The following IL11RA variants were observed in gnomAD, a reference collection of about 807,000 sequenced individuals.
The protein encoded by IL11RA is interleukin-11 receptor subunit alpha.
IL11RA carries 51 observed loss-of-function variants against 57.0 expected under a neutral mutation model. That is an observed-to-expected ratio of 0.89 (90% CI 0.71 to 1.13). The LOEUF is 1.13. Ranked by LOEUF, IL11RA falls within the 50% of genes most tolerant of loss-of-function variation. The pLI, the probability that IL11RA is intolerant of heterozygous loss-of-function variation, is 0.00. For synonymous variants in IL11RA, 199 were observed against 217.5 expected, an observed-to-expected ratio of 0.91 and a Z score of 0.75; for missense variants, 498 against 539.4, an observed-to-expected ratio of 0.92 and a Z score of 0.76.
intron 8 of IL11RA, among the ~76,000 whole-genome samples, chr9:34,659,470 T>C (rs1435572735): frequency 1.3e-5 from 2 of 152,212 alleles, no homozygotes; most frequent in Non-Finnish European, 2.9e-5. Context: ...ACCTCTATTT[T>C]ACAAATGAAG....
chr9:34,655,250 C>T lies in IL11RA; in HGVS notation c.33C>T (p.Val11=). The part of the protein sequence containing the change: MSSSCSGLSR[V]LVAVATALVS... ...GCAGCTGCTCAGGGCTGAGCAGGGT[C>T]CTGGTGGCCGTGGCTACAGCCCTGG... is the stretch of plus-strand genomic sequence containing the variant. The change falls in exon 2 of 13, where the codon GTC becomes GTT. Residue 11 remains valine, a synonymous_variant. Coordinates refer to ENST00000441545, the MANE Select transcript of IL11RA (RefSeq NM_001142784.3). 1.9e-6 allele frequency: 3 copies of T among 1,612,362 alleles called. No individual in the cohort carries two copies. The highest frequency in any genetic ancestry group is 2.2e-5 in the East Asian group (1 of 44,808).
At chr9:34,659,427 T>G (rs1821408418) in intron 8 of IL11RA, among the ~76,000 whole-genome samples, 1 of 152,210 alleles carries the variant, frequency 6.6e-6, no homozygotes. Context: ...CTGGCTACAC[T>G]TTTTGCATAC....
intron 5 of IL11RA, 44 bp from the exon 6 acceptor site, chr9:34,657,259 G>T (rs758439988): frequency 2.5e-6 from 4 of 1,613,736 alleles, no homozygotes; most frequent in Non-Finnish European, 3.4e-6. Flanking sequence ...AGGGCAGAAG[G>T]CCCTCTTTTC....
intron 1 of IL11RA, among the ~76,000 whole-genome samples, chr9:34,654,458 C>G (rs959847634): frequency 1.3e-5 from 2 of 152,012 alleles, no homozygotes; most frequent in Non-Finnish European, 2.9e-5. Context: ...CCCCGCCACC[C>G]TGTCTCCATT....
chr9:34,660,688 TG>T, intron 11 of IL11RA, 88 bp downstream of exon 11: 1 of 1,282,234 alleles, frequency 7.8e-7, no homozygotes, highest in African/African-American at 1.5e-5. Flanking sequence ...CCTTCATGAC[TG>T]CCCGCTGAAC....
rs1104749 is a variant in IL11RA, at chr9:34,658,424, T to A, written c.647-96T>A. On this transcript the variant is annotated intron_variant, in intron 7 of 12. Transcript: ENST00000441545. This position sits in a 1 kb window ranked among gnomAD's most constrained non-coding sequence, Gnocchi z 4.0. ...GATTTCCCCTCCCCTCTCAGGAGTG[T>A]CTGGCTAAGGCTCCTTTAAACACAC... 0.058 allele frequency: 72,387 copies of A among 1,241,366 alleles called. 2,368 individuals are homozygous for A. The highest frequency in any genetic ancestry group is 0.074 in the South Asian group (6,155 of 82,968). The allele number at this position is 1,241,366 out of a possible 1,614,324, so 76.9% of individuals were successfully genotyped here. A position where few individuals can be genotyped will look rare whatever the true frequency, so the allele number is the denominator to read the frequency against.
intron 2 of IL11RA, 140 bp from the exon 3 acceptor site, chr9:34,655,465 G>A (rs1229456985): frequency 1.1e-6 from 1 of 886,362 alleles, no homozygotes; most frequent in Non-Finnish European, 1.9e-6. Flanking sequence ...TCTGACCTCT[G>A]TCTCCAGATT....
intron 9 of IL11RA, 100 bp downstream of exon 9, chr9:34,660,000 A>T: frequency 7.0e-7 from 1 of 1,431,638 alleles, no homozygotes; most frequent in Non-Finnish European, 9.7e-7. Context: ...TGCCCTGCCC[A>T]CACAGGCACG....
chr9:34,654,931 C>T lies in IL11RA; in HGVS notation c.1-287C>T, dbSNP rs1451636656. The stretch of plus-strand genomic sequence containing the variant: ...AGTTGCTGGCACAGTCTGTTGCCTC[C>T]GGCTTTTGTTCTGGGCCCTAAGCCC... On this transcript the variant is annotated intron_variant, in intron 1 of 12. Transcript: ENST00000441545. 4.4e-5 allele frequency: 17 copies of T among 383,106 alleles called. 1 individual carries two copies. The highest frequency in any genetic ancestry group is 1.6e-4 in the Admixed American group (4 of 24,458). The allele number at this position is 383,106 out of a possible 1,614,324, so 23.7% of individuals were successfully genotyped here. A position where few individuals can be genotyped will look rare whatever the true frequency, so the allele number is the denominator to read the frequency against.
At position 34,660,293 on chromosome 9, in the gene IL11RA, A is replaced by G; in HGVS notation, c.972A>G (p.Ile324Met). 1 of 1,614,212 alleles carries G rather than the reference A, an allele frequency of 6.2e-7. No homozygotes were observed. The highest frequency in any genetic ancestry group is 8.5e-7 in the Non-Finnish European group (1 of 1,180,030). The part of the protein sequence containing the change: ...TPSTGTIPKE[I>M]PAWGQLHTQP... ...CTTTAGGGACCATACCAAAGGAGAT[A>G]CCAGCATGGGGCCAGCTACACACGC... The change falls in exon 10 of 13, where the codon ATA becomes ATG. Residue 324 changes from isoleucine to methionine, a missense_variant. Ile to Met is a conservative substitution (Grantham distance 10, BLOSUM62 1). Coordinates refer to ENST00000441545, the MANE Select transcript of IL11RA (RefSeq NM_001142784.3).
rs555512934 is a variant in IL11RA, at chr9:34,657,781, GGCT to G, written c.646+204_646+206del. On this transcript the variant is annotated intron_variant, in intron 7 of 12. Coordinates refer to ENST00000441545, the MANE Select transcript of IL11RA (RefSeq NM_001142784.3). ...TGGTTATTTCAGCACACACTCTAGAGGCTGCTGCTGCTACCCACACTGCCTGAT... is the reference window on the plus strand; with the variant it reads ...TGGTTATTTCAGCACACACTCTAGAGGCTGCTGCTACCCACACTGCCTGAT... Among the ~76,000 whole-genome samples the G allele has an allele frequency of 2.8e-3, 422 of 152,340 alleles. 2 individuals are homozygous for G. The highest frequency in any genetic ancestry group is 9.9e-3 in the African/African-American group (412 of 41,580).
At position 34,658,830 on chromosome 9, in the gene IL11RA, G is replaced by T. The variant is rs1821399194; in HGVS notation, c.810+147G>T. The stretch of plus-strand genomic sequence containing the variant: ...GGCCAGGCTTTGTACTGGGTGCTGG[G>T]TTGCAGTGGTGACTGAGAGACTGAA... On this transcript the variant is annotated intron_variant, in intron 8 of 12. Coordinates refer to ENST00000441545, the MANE Select transcript of IL11RA (RefSeq NM_001142784.3). The surrounding 1 kb of genome is among the most constrained non-coding windows in gnomAD (Gnocchi z 4.0). 6 of 851,510 alleles carry T rather than the reference G, an allele frequency of 7.0e-6. No homozygotes were observed. In the South Asian group the frequency reaches 8.7e-5, roughly 12 times the overall value. 52.7% of individuals were successfully genotyped at this position (851,510 alleles called of 1,614,324 possible). A position where few individuals can be genotyped will look rare whatever the true frequency, so the allele number is the denominator to read the frequency against.
rs1821383923 is a variant in IL11RA at position 34,658,216 on chromosome 9, A to T, written c.647-304A>T. On this transcript the variant is annotated intron_variant, in intron 7 of 12. Coordinates refer to ENST00000441545, the MANE Select transcript of IL11RA (RefSeq NM_001142784.3). The surrounding 1 kb of genome is among the most constrained non-coding windows in gnomAD (Gnocchi z 4.0). ...CCACCATGTCTGGTTAATTTTTAAAATTTTTTGTAGAGACAGGGTTTTGCT... is the reference window on the plus strand; with the variant it reads ...CCACCATGTCTGGTTAATTTTTAAATTTTTTTGTAGAGACAGGGTTTTGCT... Among the ~76,000 whole-genome samples, 1 of 151,906 alleles carries T rather than the reference A, an allele frequency of 6.6e-6. No individual in the cohort carries two copies. The highest frequency in any genetic ancestry group is 6.6e-5 in the Admixed American group (1 of 15,234).
rs758221604 is a variant in IL11RA, at chr9:34,655,597, C to G, written c.101-8C>G. On this transcript the variant is annotated splice_region_variant and splice_polypyrimidine_tract_variant and intron_variant, in intron 2 of 12. Transcript: ENST00000441545. ...GGAAGAGCCTTACCTCAGAAGTGCC[C>G]TCCACAGGGGTCCAGTATGGGCAGC... 2 of 1,613,862 alleles carry G rather than the reference C, an allele frequency of 1.2e-6. No homozygotes were observed. Among genetic ancestry groups the G allele is most frequent in the Non-Finnish European group, 1.7e-6 (2 of 1,179,892 alleles).
At position 34,660,259 on chromosome 9, in the gene IL11RA, C is replaced by T. The variant is rs1478777102; in HGVS notation, c.953-15C>T. 1 of 1,614,184 alleles carries T rather than the reference C, an allele frequency of 6.2e-7. No homozygotes were observed. The highest frequency in any genetic ancestry group is 1.7e-5 in the Admixed American group (1 of 60,032). Reference sequence around the variant, plus strand: ...ACCAGCGTATGGACACTTATTGGGTCTTGCCTTCCTTTAGGGACCATACCA... The same window carrying T: ...ACCAGCGTATGGACACTTATTGGGTTTTGCCTTCCTTTAGGGACCATACCA... On this transcript the variant is annotated splice_polypyrimidine_tract_variant and intron_variant, in intron 9 of 12. Transcript: ENST00000441545.
chr9:34,659,703 G>A lies in IL11RA; in HGVS notation c.811-56G>A. The A allele has an allele frequency of 2.5e-6, 4 of 1,609,506 alleles. No homozygotes were observed. In the South Asian group the frequency reaches 4.4e-5, roughly 18 times the overall value. The stretch of plus-strand genomic sequence containing the variant: ...CAAGGGGTGCTCTTTGTAGATGGTG[G>A]CTGGGAAGGCCCTGCACTTACAAGC... On this transcript the variant is annotated intron_variant, in intron 8 of 12. Coordinates refer to ENST00000441545, the MANE Select transcript of IL11RA (RefSeq NM_001142784.3).
At chr9:34,659,706 G>T (rs947077429) in intron 8 of IL11RA, 53 bp from the exon 9 acceptor site, 2 of 1,609,912 alleles carry the variant, frequency 1.2e-6, no homozygotes, top group African/African-American at 2.7e-5. Flanking sequence ...GATGGTGGCT[G>T]GGAAGGCCCT....
chr9:34,660,430 T>G, intron 10 of IL11RA, 37 bp downstream of exon 10: 2 of 1,613,956 alleles, frequency 1.2e-6, no homozygotes, highest in Non-Finnish European at 1.7e-6. Context: ...TGTAAAGGAC[T>G]GAAAACCCCA....
At chr9:34,655,507 C>A in intron 2 of IL11RA, 98 bp from the exon 3 acceptor site, 1 of 1,108,754 alleles carries the variant, frequency 9.0e-7, no homozygotes, top group Non-Finnish European at 1.4e-6. Context: ...GTGAGCCCCC[C>A]ACCACCCAGG....
Sources: gnomAD v4.1 joint callset for allele counts (sites outside exome capture counted in the v4.1 genomes callset) on GRCh38, gnomAD v4.1.1 for gene constraint, Gnocchi (gnomAD v3.1) non-coding constraint, MANE v1.5 for transcripts, NCBI Gene and HGNC (gene_info 2026-07-23, HGNC 2026-07-21) for gene names.